MEIS1: variants seen among roughly 807,000 people sequenced by gnomAD.
MEIS1 encodes homeobox protein Meis1.
MEIS1 carries 5 observed loss-of-function variants against 50.8 expected under a neutral mutation model. The observed-to-expected ratio is 0.10, with a 90% CI of 0.05 to 0.21. The LOEUF is 0.21. MEIS1 is among the 10% of genes least tolerant of loss of function. The pLI, the probability that MEIS1 is intolerant of heterozygous loss-of-function variation, is 1.00. For synonymous variants in MEIS1, 176 were observed against 179.3 expected (o/e 0.98, Z 0.15); for missense variants, 318 against 517.3 (o/e 0.61, Z 3.74).
intron 7 of MEIS1, among the ~76,000 whole-genome samples, chr2:66,472,043 A>T (rs1372761492): frequency 6.6e-6 from 1 of 152,120 alleles, no homozygotes; most frequent in East Asian, 1.9e-4. Flanking sequence ...TCATTCTCTT[A>T]TCCTTTCTCA....
intron 4 of MEIS1, chr2:66,440,835 G>A (rs1391576895): frequency 3.5e-6 from 2 of 570,636 alleles, no homozygotes; most frequent in East Asian, 2.9e-5. Context: ...GGGGAAACGC[G>A]AGCTTTTGTT....
chr2:66,571,780 T>A lies in MEIS1; in HGVS notation c.*572T>A. On this transcript the variant is annotated 3_prime_UTR_variant, in exon 13 of 13. Coordinates refer to ENST00000272369, the MANE Select transcript of MEIS1 (RefSeq NM_002398.3). Reference sequence around the variant, plus strand: ...CTATTATACTGTTATCCATATTACGTTGTTTCTTATAGATTTTTTAAAAAA... The same window carrying A: ...CTATTATACTGTTATCCATATTACGATGTTTCTTATAGATTTTTTAAAAAA... 1 of 453,580 alleles carries A rather than the reference T, an allele frequency of 2.2e-6. No homozygotes were observed. Among genetic ancestry groups the A allele is most frequent in the Non-Finnish European group, 3.8e-6 (1 of 259,764 alleles). The allele number at this position is 453,580 out of a possible 1,614,324, so 28.1% of individuals were successfully genotyped here. A position where few individuals can be genotyped will look rare whatever the true frequency, so the allele number is the denominator to read the frequency against.
In MEIS1 at chr2:66,522,278, A is replaced by G. The variant is rs113270837; in HGVS notation, c.888+9984A>G. ...AGGCATGTCATAGAGCAGAAAGGGT[A>G]AAGAATGGAGGGGCTTGAGAATATC... is the stretch of plus-strand genomic sequence containing the variant. On this transcript the variant is annotated intron_variant, in intron 8 of 12. Transcript: ENST00000272369. 4.6e-5 allele frequency among the ~76,000 whole-genome samples: 7 copies of G among 152,334 alleles called. 1 individual carries two copies. Among genetic ancestry groups the G allele is most frequent in the Admixed American group, 3.9e-4 (6 of 15,298 alleles).
At chr2:66,506,981 T>C (rs991519291) in intron 7 of MEIS1, among the ~76,000 whole-genome samples, 6 of 152,138 alleles carry the variant, frequency 3.9e-5, no homozygotes, top group African/African-American at 7.2e-5. Flanking sequence ...TTCTACACAC[T>C]TTTCAAGGGG....
intron 7 of MEIS1, among the ~76,000 whole-genome samples, chr2:66,494,127 GTGGCATGATCTCAAAGT>G (rs1673339058): frequency 6.6e-6 from 1 of 152,288 alleles, no homozygotes; most frequent in South Asian, 2.1e-4. Flanking sequence ...CAAAAAAAGA[GTGGCATGATCTCAAAGT>G]TGTTCTCAGC....
intron 8 of MEIS1, among the ~76,000 whole-genome samples, chr2:66,531,628 A>G (rs1464194168): frequency 2.0e-5 from 3 of 152,218 alleles, no homozygotes; most frequent in South Asian, 2.1e-4. Context: ...CACAACGCAT[A>G]AAGGCGAGGG....
At chr2:66,533,410 G>A (rs1232603439) in intron 8 of MEIS1, among the ~76,000 whole-genome samples, 1 of 152,138 alleles carries the variant, frequency 6.6e-6, no homozygotes, top group African/African-American at 2.4e-5. Context: ...TTACAGCAAT[G>A]TGTGACCCCT....
chr2:66,514,155 G>T (rs538683024), intron 8 of MEIS1, among the ~76,000 whole-genome samples: 1 of 152,268 alleles, frequency 6.6e-6, no homozygotes, highest in East Asian at 1.9e-4. Flanking sequence ...ATCTCAATCT[G>T]CAAAGGAGTT....
intron 6 of MEIS1, 136 bp downstream of exon 6, chr2:66,443,184 A>G: frequency 9.6e-7 from 1 of 1,045,930 alleles, no homozygotes; most frequent in Non-Finnish European, 1.3e-6. Context: ...TCGAAATGAA[A>G]ATTTTTGAAT....
At position 66,542,872 on chromosome 2, in the gene MEIS1, G is replaced by A. The variant is rs534372341; in HGVS notation, c.889-5071G>A. ...TGTAGCCAAGGGTGGAAATTTTGAT[G>A]AAAGAAGTACATTTGGTCAAAGATA... On this transcript the variant is annotated intron_variant, in intron 8 of 12. Coordinates refer to ENST00000272369, the MANE Select transcript of MEIS1 (RefSeq NM_002398.3). 1.3e-4 allele frequency among the ~76,000 whole-genome samples: 20 copies of A among 152,274 alleles called. No homozygotes were observed. The South Asian group carries it at 4.1e-3, about 32-fold the overall frequency.
intron 8 of MEIS1, among the ~76,000 whole-genome samples, chr2:66,535,329 G>A (rs1291523139): frequency 2.7e-5 from 4 of 150,940 alleles, no homozygotes; most frequent in African/African-American, 4.9e-5. Context: ...AAACCTCTTT[G>A]AAAATGTAAA....
At chr2:66,461,227 A>G (rs1461173018) in intron 6 of MEIS1, among the ~76,000 whole-genome samples, 2 of 152,164 alleles carry the variant, frequency 1.3e-5, no homozygotes, top group African/African-American at 2.4e-5. Flanking sequence ...AATAATAATG[A>G]TGTTGTTTGG....
Position 66,568,712 on chromosome 2 carries a change from G to T in MEIS1, c.1070G>T (p.Gly357Val). 1 of 1,613,778 alleles carries T rather than the reference G, an allele frequency of 6.2e-7. No homozygotes were observed. Among genetic ancestry groups the T allele is most frequent in the Non-Finnish European group, 8.5e-7 (1 of 1,179,730 alleles). The change falls in exon 11 of 13, where the codon GGT becomes GTT. Residue 357 changes from glycine (G) to valine (V), a missense_variant. Physicochemically the swap from Gly to Val is moderately radical, Grantham distance 109. Around this residue, in one of 6 missense-constraint regions of MEIS1, gnomAD observed 54 missense variants for 75.0 expected, o/e 0.72. Coordinates refer to ENST00000272369, the MANE Select transcript of MEIS1 (RefSeq NM_002398.3). The stretch of plus-strand genomic sequence containing the variant: ...AATCCTGATGGACAGCCCATGGGAG[G>T]TTTCGTAATGGACGGTCAGCAACAT... ...PYNPDGQPMG[G>V]FVMDGQQHMG...
intron 1 of MEIS1, chr2:66,437,022 G>C: frequency 3.4e-6 from 3 of 870,524 alleles, no homozygotes; most frequent in Non-Finnish European, 2.8e-6. Flanking sequence ...AATATTAGCT[G>C]CTTCAACTAT....
chr2:66,546,708 T>C (rs909999575), intron 8 of MEIS1, among the ~76,000 whole-genome samples: 2 of 152,190 alleles, frequency 1.3e-5, no homozygotes, highest in African/African-American at 4.8e-5. Context: ...AAAGCCTTAT[T>C]CTAATTGTGT....
intron 8 of MEIS1, among the ~76,000 whole-genome samples, chr2:66,532,037 C>G (rs201881899): frequency 6.6e-6 from 1 of 151,722 alleles, no homozygotes; most frequent in Non-Finnish European, 1.5e-5. Context: ...TTTTCTGAAA[C>G]TAGTTATAAC....
rs902176560 is a variant in MEIS1, at chr2:66,542,282, A to AT, written c.889-5649dup. On this transcript the variant is annotated intron_variant, in intron 8 of 12. Transcript: ENST00000272369. Reference sequence around the variant, plus strand: ...CTAATAGTTAAAAACCATATGGTAGATTTTTTTTTTTTCTTTAAAGGGAGT... The same window carrying AT: ...CTAATAGTTAAAAACCATATGGTAGATTTTTTTTTTTTTCTTTAAAGGGAGT... Among the ~76,000 whole-genome samples the AT allele has an allele frequency of 1.4e-3, 203 of 148,032 alleles. 1 individual carries two copies. The highest frequency in any genetic ancestry group is 3.2e-3 in the African/African-American group (128 of 40,616).
At chr2:66,537,582 C>A (rs965304081) in intron 8 of MEIS1, among the ~76,000 whole-genome samples, 3 of 152,220 alleles carry the variant, frequency 2.0e-5, no homozygotes, top group African/African-American at 7.2e-5. Flanking sequence ...TATCTCCTCA[C>A]CAAATGTACC....
intron 7 of MEIS1, among the ~76,000 whole-genome samples, chr2:66,481,621 A>G (rs1182990461): frequency 6.6e-6 from 1 of 152,102 alleles, no homozygotes; most frequent in East Asian, 1.9e-4. Context: ...TACCTTGAGC[A>G]TCTCTTTATT....
Sources: allele counts gnomAD v4.1 joint callset (sites outside exome capture counted in the v4.1 genomes callset), GRCh38; gene constraint gnomAD v4.1.1; regional missense constraint gnomAD v4.1.1; transcripts MANE v1.5; gene names NCBI Gene and HGNC (gene_info 2026-07-23, HGNC 2026-07-21).